HSD17B3: variants seen among roughly 807,000 people sequenced by gnomAD.
HSD17B3 encodes the protein 17-beta-hydroxysteroid dehydrogenase type 3.
A neutral mutation model predicts 41.1 loss-of-function variants in HSD17B3; 29 were observed. The observed-to-expected ratio is 0.71, with a 90% confidence interval of 0.53 to 0.96. The LOEUF (loss-of-function observed/expected upper bound fraction) is 0.96, where lower values mean the gene tolerates loss of function less well. HSD17B3 is among the 40% of genes least tolerant of loss of function. The pLI is 0.00. For missense variants in HSD17B3, 323 were observed against 374.6 expected (o/e 0.86, Z 1.14); for synonymous variants, 126 against 145.6 (o/e 0.87, Z 0.97).
At chr9:96,290,478 TTC>T (rs1491582579) in intron 2 of HSD17B3, among the ~76,000 whole-genome samples, 5 of 147,456 alleles carry the variant, frequency 3.4e-5, no homozygotes, top group African/African-American at 1.3e-4. Context: ...TTTTTTTTTT[TTC>T]CACATATCCC....
chr9:96,259,627 A>G (rs1825789888), intron 2 of HSD17B3, among the ~76,000 whole-genome samples: 1 of 152,132 alleles, frequency 6.6e-6, no homozygotes, highest in African/African-American at 2.4e-5. Context: ...GGGCTGAGGC[A>G]GGAGAATTAC....
chr9:96,276,104 T>A (rs1826442358), intron 2 of HSD17B3, among the ~76,000 whole-genome samples: 2 of 53,820 alleles, frequency 3.7e-5, no homozygotes, highest in Non-Finnish European at 6.3e-5. Context: ...AGATCCTGTC[T>A]CATAAAAAAA....
At chr9:96,291,522 CA>C (rs1184507859) in intron 2 of HSD17B3, among the ~76,000 whole-genome samples, 1 of 152,072 alleles carries the variant, frequency 6.6e-6, no homozygotes, top group Non-Finnish European at 1.5e-5. Flanking sequence ...AACGTAAAAC[CA>C]AAATGTTGAG....
chr9:96,235,614 A>G, intron 10 of HSD17B3, 44 bp from the exon 11 acceptor site: 7 of 1,476,560 alleles, frequency 4.7e-6, no homozygotes, highest in Non-Finnish European at 5.6e-6. Context: ...AAGGAATAAC[A>G]AGTACCTCAG....
At chr9:96,251,149 A>AC (rs1836885685) in intron 5 of HSD17B3, 1 of 534,520 alleles carries the variant, frequency 1.9e-6, no homozygotes, top group African/African-American at 1.9e-5. Context: ...AGAGTGCAGC[A>AC]CCCCAGAAGC....
intron 2 of HSD17B3, among the ~76,000 whole-genome samples, chr9:96,271,873 A>AT (rs1273411752): frequency 2.0e-5 from 3 of 152,134 alleles, no homozygotes; most frequent in Non-Finnish European, 4.4e-5. Flanking sequence ...ATCCCAAGAC[A>AT]TTTTAGCACT....
At chr9:96,278,466 G>C (rs1826558747) in intron 2 of HSD17B3, among the ~76,000 whole-genome samples, 1 of 152,106 alleles carries the variant, frequency 6.6e-6, no homozygotes, top group Admixed American at 6.5e-5. Context: ...AGTTAAAGGA[G>C]AACAAAATAA....
At chr9:96,265,144 C>A (rs531469667) in intron 2 of HSD17B3, among the ~76,000 whole-genome samples, 32 of 152,152 alleles carry the variant, frequency 2.1e-4, no homozygotes, top group South Asian at 6.2e-4. Flanking sequence ...CAGCTCACGG[C>A]CAGTAAGGTT....
intron 2 of HSD17B3, among the ~76,000 whole-genome samples, chr9:96,294,238 A>C (rs1435320494): frequency 6.7e-6 from 1 of 149,780 alleles, no homozygotes; most frequent in Non-Finnish European, 1.5e-5. Flanking sequence ...ACAAAGTGAG[A>C]CCTCATCTCT....
chr9:96,263,917 T>C (rs1249032128), intron 2 of HSD17B3, among the ~76,000 whole-genome samples: 1 of 152,166 alleles, frequency 6.6e-6, no homozygotes, highest in Non-Finnish European at 1.5e-5. Context: ...CATGTTGTAT[T>C]AACTATAGAT....
intron 6 of HSD17B3, 78 bp from the exon 7 acceptor site, chr9:96,246,668 G>C: frequency 1.6e-6 from 2 of 1,281,204 alleles, no homozygotes; most frequent in Non-Finnish European, 2.3e-6. Flanking sequence ...ACAGGGAAGG[G>C]AGCGCGGGAG....
chr9:96,258,020 T>A (rs1490870930), intron 2 of HSD17B3, among the ~76,000 whole-genome samples: 1 of 152,214 alleles, frequency 6.6e-6, no homozygotes, highest in Non-Finnish European at 1.5e-5. Flanking sequence ...ATTTGCTATG[T>A]TATGTGTGAA....
intron 2 of HSD17B3, among the ~76,000 whole-genome samples, chr9:96,266,781 C>G (rs1587748290): frequency 6.6e-6 from 1 of 152,144 alleles, no homozygotes; most frequent in Non-Finnish European, 1.5e-5. Context: ...CCCTTCTCCA[C>G]TCCAGGCATT....
At chr9:96,258,520 C>G (rs1011874267) in intron 2 of HSD17B3, among the ~76,000 whole-genome samples, 4 of 152,298 alleles carry the variant, frequency 2.6e-5, no homozygotes, top group Admixed American at 2.6e-4. Flanking sequence ...CTTATATTAG[C>G]CTTTGATAAC....
At chr9:96,291,474 A>G (rs1473797354) in intron 2 of HSD17B3, among the ~76,000 whole-genome samples, 6 of 152,074 alleles carry the variant, frequency 3.9e-5, no homozygotes, top group African/African-American at 1.4e-4. Context: ...GTATGGACCA[A>G]TATAAACCAA....
intron 2 of HSD17B3, among the ~76,000 whole-genome samples, chr9:96,287,911 C>T (rs1826989046): frequency 6.7e-6 from 1 of 148,814 alleles, no homozygotes; most frequent in Non-Finnish European, 1.5e-5. Context: ...CAGTTGTCAA[C>T]TGGAAAATGA....
At chr9:96,250,158 G>A (rs1009415564) in intron 5 of HSD17B3, 3 of 1,235,844 alleles carry the variant, frequency 2.4e-6, no homozygotes, top group African/African-American at 3.0e-5. Context: ...ACAAATGGTT[G>A]TATAATATAA....
At chr9:96,235,593 T>A (rs1451886189) in intron 10 of HSD17B3, 23 bp from the exon 11 acceptor site, 1 of 1,588,964 alleles carries the variant, frequency 6.3e-7, no homozygotes. Context: ...GAAGCATCAG[T>A]GTTGGGGAGG....
At position 96,241,999 on chromosome 9, in the gene HSD17B3, AAGAAAG is replaced by A. The variant is rs1465725800; in HGVS notation, c.673-1098_673-1093del. The stretch of plus-strand genomic sequence containing the variant: ...AAAGAAAGAAAGAAAGAAAGAAAGA[AAGAAAG>A]AGAAAGAAAAGAAAGAAAAGAAAAA... On this transcript the variant is annotated intron_variant, in intron 9 of 10. Transcript: ENST00000375263. 1.1e-3 allele frequency among the ~76,000 whole-genome samples: 167 copies of A among 149,628 alleles called. 1 individual carries two copies. The highest frequency in any genetic ancestry group is 4.0e-3 in the African/African-American group (160 of 40,122).
Sources: gnomAD v4.1 joint callset for allele counts (sites outside exome capture counted in the v4.1 genomes callset) on GRCh38, gnomAD v4.1.1 for gene constraint, MANE v1.5 for transcripts, NCBI Gene and HGNC (gene_info 2026-07-23, HGNC 2026-07-21) for gene names.